Variants in NDST4 observed in about 807,000 individuals in gnomAD.
NDST4 encodes N-deacetylase and N-sulfotransferase 4.
NDST4 carries 63 observed loss-of-function variants against 100.8 expected under a neutral mutation model. That is an observed-to-expected ratio of 0.62 (90% CI 0.51 to 0.77). NDST4 has a LOEUF of 0.77. Among genes scored for constraint, NDST4 ranks in the 30% least tolerant of loss-of-function variants. The pLI is 0.00. For missense variants in NDST4, 943 were observed against 1,018.4 expected (o/e 0.93, Z 1.01); for synonymous variants, 377 against 361.8 (o/e 1.04, Z -0.48).
chr4:114,829,200 C>T (rs1165793028), intron 13 of NDST4, among the ~76,000 whole-genome samples: 1 of 152,064 alleles, frequency 6.6e-6, no homozygotes, highest in Non-Finnish European at 1.5e-5. Context: ...GGCTGGTTTT[C>T]CAAGCCTGTT....
chr4:114,892,988 T>C (rs1408304446), intron 6 of NDST4, among the ~76,000 whole-genome samples: 1 of 152,054 alleles, frequency 6.6e-6, no homozygotes, highest in African/African-American at 2.4e-5. Flanking sequence ...AGTGAGAACA[T>C]GGTGTGTTTG....
chr4:114,943,611 A>T (rs527305513), intron 4 of NDST4, among the ~76,000 whole-genome samples: 1 of 152,210 alleles, frequency 6.6e-6, no homozygotes, highest in South Asian at 2.1e-4. Context: ...GTGTAGAGAG[A>T]TTATTTCCGT....
chr4:114,970,644 T>C, intron 3 of NDST4, 60 bp from the exon 4 acceptor site: 12 of 1,432,708 alleles, frequency 8.4e-6, no homozygotes, highest in Non-Finnish European at 1.0e-5. Context: ...TTAAAGGTTA[T>C]TTTTGTCAGA....
At chr4:114,943,072 T>C (rs1725784769) in intron 4 of NDST4, among the ~76,000 whole-genome samples, 1 of 147,188 alleles carries the variant, frequency 6.8e-6, no homozygotes, top group Non-Finnish European at 1.5e-5. Context: ...AATTTATATA[T>C]TATATAATAT....
intron 8 of NDST4, among the ~76,000 whole-genome samples, chr4:114,848,720 G>T (rs752001816): frequency 6.6e-6 from 1 of 152,118 alleles, no homozygotes; most frequent in Non-Finnish European, 1.5e-5. Context: ...TTACCTGGTG[G>T]GTCTTCAATT....
At chr4:114,979,408 T>C (rs1426171677) in intron 2 of NDST4, among the ~76,000 whole-genome samples, 5 of 149,762 alleles carry the variant, frequency 3.3e-5, no homozygotes, top group African/African-American at 9.8e-5. Flanking sequence ...TTTTTTTGCA[T>C]TTAGTAACAT....
chr4:114,966,291 T>C (rs915973952), intron 4 of NDST4, among the ~76,000 whole-genome samples: 1 of 152,030 alleles, frequency 6.6e-6, no homozygotes, highest in Non-Finnish European at 1.5e-5. Context: ...TCACATGGCA[T>C]ATGTGTGTGT....
chr4:114,989,919 T>G (rs1726999289), intron 2 of NDST4, among the ~76,000 whole-genome samples: 1 of 152,192 alleles, frequency 6.6e-6, no homozygotes, highest in Admixed American at 6.6e-5. Context: ...CCAGCTACCT[T>G]TATTCTTCAG....
At chr4:115,111,977 C>A (rs190228436) in intron 1 of NDST4, among the ~76,000 whole-genome samples, 23 of 151,816 alleles carry the variant, frequency 1.5e-4, no homozygotes, top group South Asian at 4.2e-4. Context: ...ATGTAAATGG[C>A]AATTATATTT....
intron 2 of NDST4, among the ~76,000 whole-genome samples, chr4:115,039,704 A>G (rs1728309469): frequency 6.6e-6 from 1 of 152,132 alleles, no homozygotes; most frequent in African/African-American, 2.4e-5. Flanking sequence ...GCTTATTGTT[A>G]AGGAAAAGAA....
chr4:115,045,266 A>G (rs1487147018), intron 2 of NDST4, among the ~76,000 whole-genome samples: 2 of 152,196 alleles, frequency 1.3e-5, no homozygotes, highest in Admixed American at 1.3e-4. Flanking sequence ...GAAAAAATAT[A>G]GAATCAAGCC....
At chr4:115,060,316 G>T (rs1578490503) in intron 2 of NDST4, among the ~76,000 whole-genome samples, 1 of 151,846 alleles carries the variant, frequency 6.6e-6, no homozygotes, top group East Asian at 1.9e-4. Flanking sequence ...TCTAAGAAAG[G>T]AATTAACTCT....
intron 4 of NDST4, among the ~76,000 whole-genome samples, chr4:114,946,535 A>G (rs1725867358): frequency 6.6e-6 from 1 of 152,224 alleles, no homozygotes. Context: ...GGATTGAGCT[A>G]TACAGACTAT....
At chr4:115,016,752 T>C (rs1229802944) in intron 2 of NDST4, among the ~76,000 whole-genome samples, 1 of 151,996 alleles carries the variant, frequency 6.6e-6, no homozygotes, top group East Asian at 1.9e-4. Context: ...AATGGAAAAG[T>C]ACAACAACCC....
intron 7 of NDST4, among the ~76,000 whole-genome samples, 167 bp downstream of exon 7, chr4:114,870,601 T>A (rs1724126880): frequency 6.6e-6 from 1 of 152,062 alleles, no homozygotes; most frequent in African/African-American, 2.4e-5. Flanking sequence ...AAACAATTCA[T>A]AAAATAAGCA....
intron 6 of NDST4, among the ~76,000 whole-genome samples, chr4:114,912,686 A>G (rs988035692): frequency 3.3e-5 from 5 of 152,150 alleles, no homozygotes; most frequent in South Asian, 2.1e-4. Flanking sequence ...CAATTCTCTT[A>G]TAAAATCATT....
chr4:114,973,919 T>C (rs1159655080), intron 3 of NDST4, among the ~76,000 whole-genome samples: 2 of 151,850 alleles, frequency 1.3e-5, no homozygotes, highest in South Asian at 2.1e-4. Flanking sequence ...TTTAATATTA[T>C]ACTAAATATA....
chr4:115,095,111 A>G (rs1276443354), intron 1 of NDST4, among the ~76,000 whole-genome samples: 1 of 152,084 alleles, frequency 6.6e-6, no homozygotes, highest in Non-Finnish European at 1.5e-5. Flanking sequence ...ATCTTACAGC[A>G]TGATCACTGC....
intron 6 of NDST4, among the ~76,000 whole-genome samples, chr4:114,929,036 CT>C (rs1725440489): frequency 6.8e-6 from 1 of 146,614 alleles, no homozygotes; most frequent in Non-Finnish European, 1.5e-5. Context: ...GTCTGTCTGT[CT>C]GTCTGTCCGT....
Sources: gnomAD v4.1 joint callset for allele counts (sites outside exome capture counted in the v4.1 genomes callset) on GRCh38, gnomAD v4.1.1 for gene constraint, MANE v1.5 for transcripts, NCBI Gene and HGNC (gene_info 2026-07-23, HGNC 2026-07-21) for gene names.